XYLT1: variants seen among roughly 807,000 people sequenced by gnomAD.
XYLT1 encodes beta-D-xylosyltransferase 1.
XYLT1 carries 36 observed loss-of-function variants against 91.3 expected under a neutral mutation model. That is an observed-to-expected ratio of 0.39 (90% confidence interval 0.30 to 0.52). XYLT1 has a LOEUF of 0.52. Among genes scored for constraint, XYLT1 ranks in the 20% least tolerant of loss-of-function variants. The pLI, the probability that XYLT1 is intolerant of heterozygous loss-of-function variation, is 0.68. For synonymous variants in XYLT1, 588 were observed against 532.0 expected, an observed-to-expected ratio of 1.11 and a Z score of -1.45; for missense variants, 1,242 against 1,284.5, an observed-to-expected ratio of 0.97 and a Z score of 0.51.
At chr16:17,206,539 C>G (rs2032648969) in intron 3 of XYLT1, among the ~76,000 whole-genome samples, 1 of 152,104 alleles carries the variant, frequency 6.6e-6, no homozygotes, top group African/African-American at 2.4e-5. Context: ...ATCTCAAAGA[C>G]TAGTAACGCT....
chr16:17,289,384 T>C (rs919062615), intron 2 of XYLT1, among the ~76,000 whole-genome samples: 4 of 152,178 alleles, frequency 2.6e-5, no homozygotes, highest in Non-Finnish European at 5.9e-5. Flanking sequence ...TCCTCTAGAA[T>C]TTCCACATAA....
intron 2 of XYLT1, among the ~76,000 whole-genome samples, chr16:17,322,323 C>T (rs534287770): frequency 1.3e-5 from 2 of 152,296 alleles, no homozygotes; most frequent in South Asian, 2.1e-4. Flanking sequence ...CCAGGCAGTG[C>T]TCTGAAGACC....
intron 2 of XYLT1, among the ~76,000 whole-genome samples, chr16:17,351,623 GAACA>G (rs998446996): frequency 7.9e-5 from 12 of 152,100 alleles, no homozygotes; most frequent in African/African-American, 2.7e-4. Context: ...ATAAACAAGA[GAACA>G]AACAAGGAAG....
At chr16:17,285,911 TGTGTGTGTCC>T (rs1437582579) in intron 2 of XYLT1, among the ~76,000 whole-genome samples, 2 of 141,266 alleles carry the variant, frequency 1.4e-5, no homozygotes, top group East Asian at 4.0e-4. Flanking sequence ...TGTGTGTGTG[TGTGTGTGTCC>T]ATGTGTGTGT....
At chr16:17,174,224 TC>T in intron 5 of XYLT1, among the ~76,000 whole-genome samples, 1 of 152,328 alleles carries the variant, frequency 6.6e-6, no homozygotes, top group South Asian at 2.1e-4. Context: ...TATTACTTCT[TC>T]CCTTTTTCTC....
At chr16:17,444,501 A>C in intron 1 of XYLT1, among the ~76,000 whole-genome samples, 1 of 137,880 alleles carries the variant, frequency 7.3e-6, no homozygotes, top group Admixed American at 7.4e-5. Context: ...ATGTCCAGCT[A>C]ACTTCTTCTT....
At position 17,402,355 on chromosome 16, in the gene XYLT1, T is replaced by C. The variant is rs112182373; in HGVS notation, c.364-44305A>G. Among the ~76,000 whole-genome samples, 580 of 151,962 alleles carry C rather than the reference T, an allele frequency of 3.8e-3. 4 individuals carry two copies. The highest frequency in any genetic ancestry group is 0.013 in the African/African-American group (531 of 41,448). ...AAAAAAAAGGGTTTACAAAGCACTATTAAGTGAATATGAAAAAGACGAAGT... is the reference window on the plus strand; with the variant it reads ...AAAAAAAAGGGTTTACAAAGCACTACTAAGTGAATATGAAAAAGACGAAGT... On this transcript the variant is annotated intron_variant, in intron 1 of 11. Coordinates refer to ENST00000261381, the MANE Select transcript of XYLT1 (RefSeq NM_022166.4).
intron 5 of XYLT1, among the ~76,000 whole-genome samples, chr16:17,160,372 T>TC (rs1328190774): frequency 6.6e-6 from 1 of 152,140 alleles, no homozygotes; most frequent in East Asian, 1.9e-4. Flanking sequence ...GCTCACCCCC[T>TC]CCTTCATTTC....
At chr16:17,226,795 C>T (rs866115804) in intron 3 of XYLT1, among the ~76,000 whole-genome samples, 1 of 152,026 alleles carries the variant, frequency 6.6e-6, no homozygotes, top group African/African-American at 2.4e-5. Flanking sequence ...AAAATAAAAA[C>T]GAAGTTTCCA....
At chr16:17,110,383 T>A (rs565105230) in intron 11 of XYLT1, among the ~76,000 whole-genome samples, 22 of 151,914 alleles carry the variant, frequency 1.4e-4, no homozygotes, top group Non-Finnish European at 2.9e-4. Flanking sequence ...TCATGATGAG[T>A]TTTTGCCATG....
At chr16:17,469,819 G>C (rs1275449126) in intron 1 of XYLT1, among the ~76,000 whole-genome samples, 2 of 152,162 alleles carry the variant, frequency 1.3e-5, no homozygotes, top group African/African-American at 4.8e-5. Flanking sequence ...GGCAAGGTTA[G>C]AGACAGAGAA....
chr16:17,102,782 A>C lies in XYLT1; in HGVS notation c.*5913T>G, dbSNP rs1288671705. On this transcript the variant is annotated 3_prime_UTR_variant, in exon 12 of 12. Transcript: ENST00000261381. ...TTTACAGATTTTTTTTAAAATCAAC[A>C]CATTACAAAATATTTCTGTACAGTT... The C allele has an allele frequency of 6.6e-6, 1 of 152,582 alleles. No homozygotes were observed. The highest frequency in any genetic ancestry group is 1.5e-5 in the Non-Finnish European group (1 of 68,024). The allele number at this position is 152,582 out of a possible 1,614,324, so 9.5% of individuals were successfully genotyped here.
At chr16:17,269,337 C>T (rs2033852948) in intron 2 of XYLT1, among the ~76,000 whole-genome samples, 1 of 151,550 alleles carries the variant, frequency 6.6e-6, no homozygotes. Context: ...CAGGCTTTCA[C>T]CACTATACCC....
chr16:17,185,941 A>G (rs957830588), intron 5 of XYLT1, among the ~76,000 whole-genome samples: 1 of 152,022 alleles, frequency 6.6e-6, no homozygotes, highest in African/African-American at 2.4e-5. Flanking sequence ...TGGAAGTTGT[A>G]ATGAGCTGAG....
intron 5 of XYLT1, among the ~76,000 whole-genome samples, chr16:17,164,201 A>C (rs557674168): frequency 1.3e-5 from 2 of 152,258 alleles, no homozygotes; most frequent in Admixed American, 1.3e-4. Flanking sequence ...TAGTGTACCC[A>C]TAATCTTTAA....
chr16:17,138,521 T>C lies in XYLT1; in HGVS notation c.1598A>G (p.His533Arg). 6.2e-7 allele frequency: 1 copy of C among 1,613,104 alleles called. No homozygotes were observed. The highest frequency in any genetic ancestry group is 2.3e-5 in the East Asian group (1 of 44,110). Reference protein sequence around the residue: ...YTLLPAESFFHTVLENSPHCD... With the variant: ...YTLLPAESFFRTVLENSPHCD... ...GTGGGGGCTGTTCTCCAGGACCGTA[T>C]GGAAGAAGGACTGCAGGGGAGAGAG... The change falls in exon 8 of 12, where the codon CAT becomes CGT. Residue 533 changes from histidine (H) to arginine (R), a missense_variant. Transcript: ENST00000261381.
chr16:17,292,115 T>C (rs1034909140), intron 2 of XYLT1, among the ~76,000 whole-genome samples: 13 of 149,942 alleles, frequency 8.7e-5, no homozygotes, highest in Non-Finnish European at 1.5e-5. Flanking sequence ...CATATACACA[T>C]ATATATCTGT....
chr16:17,417,037 CTT>C, intron 1 of XYLT1, among the ~76,000 whole-genome samples: 1 of 152,138 alleles, frequency 6.6e-6, no homozygotes. Context: ...TTTGGTAAGA[CTT>C]TATGGATAGC....
intron 1 of XYLT1, among the ~76,000 whole-genome samples, chr16:17,434,859 C>A (rs1379005531): frequency 6.7e-6 from 1 of 149,804 alleles, no homozygotes; most frequent in East Asian, 1.9e-4. Flanking sequence ...CAGAGCGAGA[C>A]CCTGTCTCTA....
Sources: allele counts gnomAD v4.1 joint callset (sites outside exome capture counted in the v4.1 genomes callset), GRCh38; gene constraint gnomAD v4.1.1; transcripts MANE v1.5; gene names NCBI Gene and HGNC (gene_info 2026-07-23, HGNC 2026-07-21).